ZNF385D: variants seen among roughly 807,000 people sequenced by gnomAD.
ZNF385D encodes zinc finger protein 385D.
Under a neutral mutation model 35.8 loss-of-function variants are expected in ZNF385D, and 15 were observed. The ratio of observed to expected loss-of-function variants is 0.42; its 90% CI spans 0.28 to 0.64. The LOEUF is 0.64. Ranked by LOEUF, ZNF385D falls within the 30% of genes least tolerant of loss-of-function variation. The probability of loss-of-function intolerance (pLI) is 0.23; values close to 1 mark genes in which losing one functional copy is unlikely to be tolerated. For missense variants in ZNF385D, 474 were observed against 494.6 expected (o/e 0.96, Z 0.39); for synonymous variants, 212 against 186.8 (o/e 1.13, Z -1.10).
chr3:21,684,362 TCTC>T (rs576688404), intron 1 of ZNF385D, among the ~76,000 whole-genome samples: 15 of 90,280 alleles, frequency 1.7e-4, no homozygotes, highest in South Asian at 4.4e-4. Flanking sequence ...GGTTAACTGT[TCTC>T]CTCTCTCTCT....
chr3:21,901,667 T>C lies in ZNF385D; in HGVS notation c.326-236639A>G, dbSNP rs143261421. Among the ~76,000 whole-genome samples the C allele has an allele frequency of 6.6e-4, 100 of 152,268 alleles. 1 individual carries two copies. The East Asian group carries it at 0.017, about 26-fold the overall frequency. On this transcript the variant is annotated intron_variant, in intron 3 of 5. Transcript: ENST00000494108. The stretch of plus-strand genomic sequence containing the variant: ...GATGGTTAAATAAACAGTTCACTGG[T>C]AGTGTCGCAATCTGATACTTTATTT...
At position 21,663,915 on chromosome 3, in the gene ZNF385D, A is replaced by ATATATATATATATATATATT. The variant is rs1159950305; in HGVS notation, c.165+970_165+971insAATATATATATATATATATA. 4.3e-3 allele frequency among the ~76,000 whole-genome samples: 453 copies of ATATATATATATATATATATT among 105,622 alleles called. 5 individuals are homozygous for ATATATATATATATATATATT. The highest frequency in any genetic ancestry group is 6.1e-3 in the African/African-American group (162 of 26,514). The allele number at this position is 105,622 out of a possible 152,430, so 69.3% of individuals were successfully genotyped here. ...AATATATATATATATATATATATAT[A>ATATATATATATATATATATT]TATTTATTTATTTAAATCCATCATG... On this transcript the variant is annotated intron_variant, in intron 2 of 7. Coordinates refer to ENST00000281523, the MANE Select transcript of ZNF385D (RefSeq NM_024697.3).
At chr3:22,327,048 T>C (rs962538443) in intron 2 of ZNF385D, among the ~76,000 whole-genome samples, 3 of 152,170 alleles carry the variant, frequency 2.0e-5, no homozygotes, top group Non-Finnish European at 4.4e-5. Flanking sequence ...GAAACCCAAA[T>C]GACTTTGAAA....
At chr3:21,844,336 G>C (rs1239314813) in intron 3 of ZNF385D, among the ~76,000 whole-genome samples, 1 of 150,856 alleles carries the variant, frequency 6.6e-6, no homozygotes, top group Non-Finnish European at 1.5e-5. Flanking sequence ...TGAGAACAGA[G>C]GATCACTGGC....
intron 3 of ZNF385D, among the ~76,000 whole-genome samples, chr3:21,977,873 A>G (rs56006694): frequency 0.14 from 21,243 of 152,064 alleles, 1,672 homozygotes; most frequent in Middle Eastern, 0.23. Flanking sequence ...AAGATGATTC[A>G]ATAGCTCTGT....
intron 2 of ZNF385D, among the ~76,000 whole-genome samples, chr3:22,290,095 G>C (rs1318190184): frequency 1.3e-5 from 2 of 152,118 alleles, no homozygotes; most frequent in Non-Finnish European, 2.9e-5. Flanking sequence ...AGGGAGATTT[G>C]TGTATGCTTA....
intron 3 of ZNF385D, among the ~76,000 whole-genome samples, chr3:22,023,158 G>A (rs1472874321): frequency 6.6e-6 from 1 of 152,126 alleles, no homozygotes. Context: ...CAAATGATAT[G>A]GCTGAATTGA....
intron 3 of ZNF385D, among the ~76,000 whole-genome samples, chr3:21,863,469 C>A (rs949473699): frequency 1.3e-5 from 2 of 152,118 alleles, no homozygotes; most frequent in Non-Finnish European, 2.9e-5. Context: ...ATTCTTTGAG[C>A]AACCTTATTG....
At chr3:21,770,601 G>A (rs1242390832) in intron 3 of ZNF385D, among the ~76,000 whole-genome samples, 1 of 152,190 alleles carries the variant, frequency 6.6e-6, no homozygotes, top group Admixed American at 6.5e-5. Flanking sequence ...AGGTGCTGGA[G>A]AGGATGTGGA....
chr3:21,647,805 A>G (rs749358523), intron 2 of ZNF385D, among the ~76,000 whole-genome samples: 10 of 152,210 alleles, frequency 6.6e-5, no homozygotes, highest in Non-Finnish European at 1.0e-4. Flanking sequence ...TATGTGCTAT[A>G]ATATTATATG....
intron 3 of ZNF385D, among the ~76,000 whole-genome samples, chr3:22,001,686 G>A (rs567087329): frequency 5.3e-4 from 81 of 151,942 alleles, no homozygotes; most frequent in Non-Finnish European, 1.0e-3. Flanking sequence ...CTTCTCATTA[G>A]CATAGGAAAC....
At chr3:21,857,002 A>G (rs917012854) in intron 3 of ZNF385D, among the ~76,000 whole-genome samples, 8 of 152,076 alleles carry the variant, frequency 5.3e-5, no homozygotes, top group African/African-American at 1.9e-4. Flanking sequence ...GTTCCACCTA[A>G]GAAGGGTTCT....
chr3:21,504,640 A>G (rs1263865070), intron 4 of ZNF385D, among the ~76,000 whole-genome samples: 2 of 152,180 alleles, frequency 1.3e-5, no homozygotes, highest in East Asian at 1.9e-4. Context: ...TAGGGCAACT[A>G]GAAAGGAATT....
At chr3:21,558,577 G>A (rs1160899636) in intron 3 of ZNF385D, among the ~76,000 whole-genome samples, 2 of 152,084 alleles carry the variant, frequency 1.3e-5, no homozygotes, top group African/African-American at 4.8e-5. Flanking sequence ...CCAATTATGT[G>A]ATCAATTTTA....
chr3:21,950,028 T>C (rs1039144824), intron 3 of ZNF385D, among the ~76,000 whole-genome samples: 1 of 152,180 alleles, frequency 6.6e-6, no homozygotes, highest in African/African-American at 2.4e-5. Flanking sequence ...TGTGTGCACA[T>C]GTCTTTATAG....
intron 1 of ZNF385D, among the ~76,000 whole-genome samples, chr3:21,696,243 T>G (rs182189938): frequency 6.6e-6 from 1 of 152,294 alleles, no homozygotes. Context: ...GACTTTGGAA[T>G]TAGATTATTT....
At chr3:22,161,193 G>A (rs1462742930) in intron 3 of ZNF385D, among the ~76,000 whole-genome samples, 1 of 151,650 alleles carries the variant, frequency 6.6e-6, no homozygotes, top group Non-Finnish European at 1.5e-5. Flanking sequence ...AATTTCCTAT[G>A]GTAATTAAAA....
At chr3:21,908,043 G>C (rs973500068) in intron 3 of ZNF385D, among the ~76,000 whole-genome samples, 1 of 152,002 alleles carries the variant, frequency 6.6e-6, no homozygotes, top group Admixed American at 6.6e-5. Flanking sequence ...AGGAAAATAT[G>C]TTTAAAACAT....
At position 22,062,170 on chromosome 3, in the gene ZNF385D, TGGGACTACCC is replaced by T. The variant is rs1330630941; in HGVS notation, c.325+106637_325+106646del. Among the ~76,000 whole-genome samples, 16 of 152,292 alleles carry T rather than the reference TGGGACTACCC, an allele frequency of 1.1e-4. No individual in the cohort carries two copies. The East Asian group carries it at 2.3e-3, about 22-fold the overall frequency. On this transcript the variant is annotated intron_variant, in intron 3 of 5. Coordinates refer to the ZNF385D transcript ENST00000494108. ...CTCCCACCTCAACCTCCCAAATAGC[TGGGACTACCC>T]GGGACTACAGGCAAGTGCCACCATG...
Sources: allele counts gnomAD v4.1 joint callset (sites outside exome capture counted in the v4.1 genomes callset), GRCh38; gene constraint gnomAD v4.1.1; transcripts MANE v1.5; gene names NCBI Gene and HGNC (gene_info 2026-07-23, HGNC 2026-07-21).